Variants in SEC31B observed in about 807,000 individuals in gnomAD.
The protein encoded by SEC31B is protein transport protein Sec31B.
Under a neutral mutation model 135.0 loss-of-function variants are expected in SEC31B, and 113 were observed. That is an observed-to-expected ratio of 0.84 (90% CI 0.72 to 0.98). SEC31B has a LOEUF of 0.98. SEC31B is among the 50% of genes least tolerant of loss of function. The pLI is 0.00. For synonymous variants in SEC31B, 508 were observed against 549.4 expected, an observed-to-expected ratio of 0.92 and a Z score of 1.05; for missense variants, 1,296 against 1,421.1, an observed-to-expected ratio of 0.91 and a Z score of 1.42.
intron 24 of SEC31B, 137 bp downstream of exon 24, chr10:100,488,721 T>G: frequency 8.3e-7 from 1 of 1,199,388 alleles, no homozygotes; most frequent in Non-Finnish European, 1.1e-6. Context: ...CACATGGACG[T>G]CAATTAAGTA....
intron 19 of SEC31B, among the ~76,000 whole-genome samples, chr10:100,492,704 G>A (rs939401615): frequency 1.3e-5 from 2 of 151,988 alleles, no homozygotes; most frequent in African/African-American, 4.8e-5. Context: ...TAACTATTCA[G>A]GAAAGTCACA....
chr10:100,513,892 A>T (rs1851778200), intron 3 of SEC31B, among the ~76,000 whole-genome samples: 1 of 152,124 alleles, frequency 6.6e-6, no homozygotes, highest in South Asian at 2.1e-4. Flanking sequence ...TGAGTAAAAC[A>T]TTAAAATCTC....
Position 100,488,937 on chromosome 10 carries a change from T to G in SEC31B, c.3209A>C (p.Glu1070Ala). Reference protein sequence around the residue: ...HLPPEKMERKELPPEHQSLKS... With the variant: ...HLPPEKMERKALPPEHQSLKS... ...CAAGGACTGATGCTCTGGGGGCAGCTCCTTCCTTTCCATCTTCTCAGGTGG... is the reference window on the plus strand; with the variant it reads ...CAAGGACTGATGCTCTGGGGGCAGCGCCTTCCTTTCCATCTTCTCAGGTGG... The change falls in exon 24 of 26, where the codon GAG (glutamate) becomes GCG (alanine). Residue 1070 changes from glutamate to alanine, a missense_variant. Transcript: ENST00000370345. The G allele has an allele frequency of 6.2e-7, 1 of 1,611,312 alleles. No homozygotes were observed. The highest frequency in any genetic ancestry group is 8.5e-7 in the Non-Finnish European group (1 of 1,179,090).
rs1475243508 is a variant in SEC31B, at chr10:100,507,556, T to C, written c.651A>G (p.Ser217=). Residue 217 remains serine (S), a synonymous_variant, in exon 7 of 26, where the codon TCA becomes TCG. Transcript: ENST00000370345. ...VSDHSNRMHC[S]GLAWHPDIAT... ...CTATGTCAGGATGCCAGGCCAGGCCTGAGCAGTGCATCTGTGAACAAAGCA... is the reference window on the plus strand; with the variant it reads ...CTATGTCAGGATGCCAGGCCAGGCCCGAGCAGTGCATCTGTGAACAAAGCA... 7.4e-6 allele frequency: 12 copies of C among 1,614,104 alleles called. No individual in the cohort carries two copies. The highest frequency in any genetic ancestry group is 9.3e-6 in the Non-Finnish European group (11 of 1,180,040).
At chr10:100,509,776 A>G (rs1163607242) in intron 3 of SEC31B, among the ~76,000 whole-genome samples, 1 of 152,170 alleles carries the variant, frequency 6.6e-6, no homozygotes, top group East Asian at 1.9e-4. Context: ...ATACATATAT[A>G]TGTACATTTT....
chr10:100,495,670 T>C (rs936020116), intron 18 of SEC31B, 124 bp from the exon 19 acceptor site: 8 of 1,044,104 alleles, frequency 7.7e-6, no homozygotes, highest in Non-Finnish European at 1.0e-5. Flanking sequence ...TTGTTGTTGT[T>C]GTTGTTCTGT....
chr10:100,490,012 G>T lies in SEC31B; in HGVS notation c.2961C>A (p.His987Gln), dbSNP rs758153094. 2 of 1,541,818 alleles carry T rather than the reference G, an allele frequency of 1.3e-6. No homozygotes were observed. The highest frequency in any genetic ancestry group is 2.1e-5 in the Admixed American group (1 of 47,228). The change falls in exon 21 of 26, where the codon CAC becomes CAA. Residue 987 changes from histidine to glutamine, a missense_variant. Physicochemically the swap from His to Gln is conservative, Grantham distance 24 (BLOSUM62 0). Transcript: ENST00000370345. ...VLPTTGILTP[H>Q]PGPQDSWKEA... is the part of the protein sequence containing the mutation. ...ATCCATGGAAGGAAGACTGACCTGG[G>T]TGAGGAGTCAAGATGCCAGTGGTTG...
intron 10 of SEC31B, among the ~76,000 whole-genome samples, chr10:100,503,005 G>C (rs552806436): frequency 2.8e-4 from 42 of 152,168 alleles, no homozygotes; most frequent in African/African-American, 1.0e-3. Context: ...AGCCTGTGTG[G>C]TTTCACAAGG....
At chr10:100,494,885 G>GT (rs2133676904) in intron 19 of SEC31B, 1 of 153,996 alleles carries the variant, frequency 6.5e-6, no homozygotes, top group South Asian at 2.0e-4. Flanking sequence ...GAGTGCAGTG[G>GT]TATGATCTGG....
chr10:100,502,341 C>T lies in SEC31B; in HGVS notation c.1323G>A (p.Leu441=). ...AGTAATTCAGTAGATTTCCTGATCC[C>T]AAGGCCTCCTGCAGCTCAGCTGATC... The part of the protein sequence containing the change: ...LMRSAELQEA[L]GSGNLLNYCQ... The change falls in exon 11 of 26, where the codon TTG becomes TTA. Residue 441 remains leucine (L), a synonymous_variant. Transcript: ENST00000370345. 1.2e-6 allele frequency: 2 copies of T among 1,614,142 alleles called. No individual in the cohort carries two copies. The highest frequency in any genetic ancestry group is 1.7e-6 in the Non-Finnish European group (2 of 1,180,020).
At chr10:100,492,091 G>C (rs990517830) in intron 19 of SEC31B, among the ~76,000 whole-genome samples, 3 of 152,190 alleles carry the variant, frequency 2.0e-5, no homozygotes, top group African/African-American at 7.2e-5. Context: ...TAAGACACAA[G>C]GAATAGAGGG....
chr10:100,488,785 T>C (rs1312428283), intron 24 of SEC31B, 73 bp downstream of exon 24: 1 of 1,493,138 alleles, frequency 6.7e-7, no homozygotes, highest in Non-Finnish European at 8.9e-7. Flanking sequence ...CACAAGGAAC[T>C]GGTCCACAGC....
chr10:100,496,846 A>G (rs1270881648), intron 17 of SEC31B, among the ~76,000 whole-genome samples: 4 of 152,256 alleles, frequency 2.6e-5, no homozygotes, highest in Non-Finnish European at 5.9e-5. Context: ...AACTTTCCAC[A>G]GTAGCTAATA....
At chr10:100,491,950 G>C (rs543574110) in intron 19 of SEC31B, among the ~76,000 whole-genome samples, 43 of 152,322 alleles carry the variant, frequency 2.8e-4, no homozygotes, top group African/African-American at 1.0e-3. Context: ...CAACTAGAGG[G>C]TGGAACCGTA....
intron 12 of SEC31B, 109 bp from the exon 13 acceptor site, chr10:100,499,367 A>T (rs1851473423): frequency 9.0e-7 from 1 of 1,108,196 alleles, no homozygotes; most frequent in Non-Finnish European, 1.3e-6. Context: ...AAGATCCCTG[A>T]TCTATTTTTT....
intron 11 of SEC31B, among the ~76,000 whole-genome samples, chr10:100,501,944 A>T (rs770013976): frequency 5.2e-4 from 79 of 152,028 alleles, no homozygotes; most frequent in Non-Finnish European, 2.2e-4. Flanking sequence ...GCCCTTTGGC[A>T]TGATACCGTG....
Position 100,488,087 on chromosome 10 carries a change from CCT to C in SEC31B, c.3298_3299del (p.Arg1100GlufsTer14). 2 of 1,614,012 alleles carry C rather than the reference CCT, an allele frequency of 1.2e-6. No individual in the cohort carries two copies. Among genetic ancestry groups the C allele is most frequent in the Non-Finnish European group, 1.7e-6 (2 of 1,179,910 alleles). ...GACGCTGGGCTGCCTCTTCCAGCTTCCTTTTTGTCTTCTGCAGGGAAAGAAAT... is the reference window on the plus strand; with the variant it reads ...GACGCTGGGCTGCCTCTTCCAGCTTCTTTTGTCTTCTGCAGGGAAAGAAAT... Reference protein sequence around the residue: ...SLSATDLKTKRKLEEAAQRLE... With the variant: ...SLSATDLKTKXKLEEAAQRLE... On this transcript the variant is annotated frameshift_variant, in exon 25 of 26. Coordinates refer to ENST00000370345, the MANE Select transcript of SEC31B (RefSeq NM_015490.4). LOFTEE classifies it high-confidence loss of function.
chr10:100,498,008 T>G, intron 15 of SEC31B, 21 bp downstream of exon 15: 3 of 1,613,716 alleles, frequency 1.9e-6, no homozygotes, highest in Non-Finnish European at 2.5e-6. Flanking sequence ...TCCCTTCTTC[T>G]CCTGCATGAT....
rs143560449 is a variant in SEC31B at position 100,516,202 on chromosome 10, G to A, written c.97C>T (p.Leu33=). 34 of 1,613,662 alleles carry A rather than the reference G, an allele frequency of 2.1e-5. No homozygotes were observed. The highest frequency in any genetic ancestry group is 2.8e-5 in the Non-Finnish European group (33 of 1,179,904). Residue 33 remains leucine (L), a synonymous_variant, in exon 3 of 26, where the codon CTA becomes TTA. Transcript: ENST00000370345. ...YLATGTSAQQ[L]DSSFSTNGTL... ...CCATTTGTGCTGAAGGAGGAATCTA[G>A]CTGTTGGGCAGATGTTCCTAGGCAC...
Sources: gnomAD v4.1 joint callset for allele counts (sites outside exome capture counted in the v4.1 genomes callset) on GRCh38, gnomAD v4.1.1 for gene constraint, MANE v1.5 for transcripts, NCBI Gene and HGNC (gene_info 2026-07-23, HGNC 2026-07-21) for gene names.